The following SOAT1 variants were observed in gnomAD, a reference collection of about 807,000 sequenced individuals.
SOAT1 encodes the protein sterol O-acyltransferase 1.
In SOAT1, 55 loss-of-function variants were observed where a neutral mutation model predicts 69.5. The observed-to-expected ratio is 0.79, with a 90% CI of 0.64 to 0.99. The LOEUF (loss-of-function observed/expected upper bound fraction) is 0.99. SOAT1 is among the 50% of genes least tolerant of loss of function. The probability of loss-of-function intolerance (pLI) is 0.00; values close to 1 mark genes in which losing one functional copy is unlikely to be tolerated. For missense variants in SOAT1, 580 were observed against 669.3 expected (o/e 0.87, Z 1.47); for synonymous variants, 231 against 224.7 (o/e 1.03, Z -0.25).
intron 11 of SOAT1, 141 bp downstream of exon 11, chr1:179,345,217 T>C: frequency 1.3e-6 from 1 of 745,782 alleles, no homozygotes. Flanking sequence ...CTTTTGCATC[T>C]ACTTTATAAA....
chr1:179,301,321 T>C (rs1430411999), intron 1 of SOAT1, among the ~76,000 whole-genome samples: 1 of 152,248 alleles, frequency 6.6e-6, no homozygotes, highest in African/African-American at 2.4e-5. Context: ...GTCTCACCAC[T>C]GCCTTCCTGA....
chr1:179,343,131 CAG>C (rs1666397841), intron 9 of SOAT1, among the ~76,000 whole-genome samples, 188 bp downstream of exon 9: 1 of 152,066 alleles, frequency 6.6e-6, no homozygotes, highest in Non-Finnish European at 1.5e-5. Flanking sequence ...TAATTCTTGA[CAG>C]AATTATAAAG....
chr1:179,294,121 T>C (rs2124923441), intron 1 of SOAT1, among the ~76,000 whole-genome samples, 185 bp downstream of exon 1: 1 of 152,302 alleles, frequency 6.6e-6, no homozygotes, highest in East Asian at 1.9e-4. Flanking sequence ...AAAGTTACCG[T>C]CAGGCGCCCG....
chr1:179,309,268 G>A (rs1665136583), intron 2 of SOAT1, among the ~76,000 whole-genome samples: 1 of 152,120 alleles, frequency 6.6e-6, no homozygotes. Context: ...ATTTTTAGTA[G>A]AGATGGGGTT....
intron 13 of SOAT1, among the ~76,000 whole-genome samples, chr1:179,349,906 G>A (rs1666664038): frequency 6.6e-6 from 1 of 152,168 alleles, no homozygotes; most frequent in African/African-American, 2.4e-5. Context: ...GATAAGGCAA[G>A]TCCCTTTTCT....
chr1:179,335,263 A>G (rs1666109158), intron 3 of SOAT1, among the ~76,000 whole-genome samples: 1 of 152,010 alleles, frequency 6.6e-6, no homozygotes, highest in Non-Finnish European at 1.5e-5. Context: ...AGGCTGAGGT[A>G]TTTTGTTTTA....
rs182346999 is a variant in SOAT1 at position 179,328,376 on chromosome 1, T to C, written c.177+4881T>C. 9.2e-5 allele frequency among the ~76,000 whole-genome samples: 14 copies of C among 152,356 alleles called. No individual in the cohort carries two copies. The East Asian group carries it at 2.1e-3, about 23-fold the overall frequency. ...ACAGAATCTTAGGAGAAGATGAACA[T>C]TCAAGCTCTGTAAAGAGTAAGGATT... On this transcript the variant is annotated intron_variant, in intron 3 of 15. Coordinates refer to ENST00000367619, the MANE Select transcript of SOAT1 (RefSeq NM_003101.6).
chr1:179,306,546 C>A (rs1665010225), intron 2 of SOAT1, among the ~76,000 whole-genome samples: 1 of 151,970 alleles, frequency 6.6e-6, no homozygotes, highest in African/African-American at 2.4e-5. Context: ...AGTAGCACCA[C>A]CAAAAGCCAG....
chr1:179,350,525 A>G lies in SOAT1; in HGVS notation c.1450+94A>G, dbSNP rs935903844. 70 of 1,169,770 alleles carry G rather than the reference A, an allele frequency of 6.0e-5. No homozygotes were observed. The African/African-American group carries it at 1.1e-3, about 18-fold the overall frequency. 72.5% of individuals were successfully genotyped at this position (1,169,770 alleles called of 1,614,324 possible). On this transcript the variant is annotated intron_variant, in intron 14 of 15. Coordinates refer to ENST00000367619, the MANE Select transcript of SOAT1 (RefSeq NM_003101.6). ...TATAAAATCAATGTAGGAGAACTAG[A>G]TAGTAGTAGTAACATTTTAAGGTAG...
intron 7 of SOAT1, 34 bp from the exon 8 acceptor site, chr1:179,342,080 T>G: frequency 3.1e-6 from 5 of 1,612,886 alleles, no homozygotes; most frequent in Non-Finnish European, 4.2e-6. Flanking sequence ...GAGACTTTCT[T>G]TGAAGAGACA....
At chr1:179,296,427 A>G (rs1028441448) in intron 1 of SOAT1, among the ~76,000 whole-genome samples, 1 of 152,168 alleles carries the variant, frequency 6.6e-6, no homozygotes, top group African/African-American at 2.4e-5. Context: ...CCTTTTTCCT[A>G]TGGGAAAAAG....
chr1:179,319,763 C>T (rs977828858), intron 2 of SOAT1, among the ~76,000 whole-genome samples: 3 of 152,054 alleles, frequency 2.0e-5, no homozygotes, highest in Non-Finnish European at 2.9e-5. Context: ...ACTACAAGTG[C>T]GCATCCCACG....
intron 2 of SOAT1, among the ~76,000 whole-genome samples, chr1:179,321,911 C>T (rs1025020730): frequency 1.1e-4 from 16 of 150,114 alleles, no homozygotes; most frequent in Non-Finnish European, 2.1e-4. Context: ...GAGACAGGGT[C>T]TCACTGTGTT....
At position 179,350,308 on chromosome 1, in the gene SOAT1, A is replaced by G; in HGVS notation, c.1327A>G (p.Arg443Gly). ...CCTTTTTCTTTAGTTTTTCTCCAAGAGATTCAAATCTGCTGCCATGTTAGC... is the reference window on the plus strand; with the variant it reads ...CCTTTTTCTTTAGTTTTTCTCCAAGGGATTCAAATCTGCTGCCATGTTAGC... The part of the protein sequence containing the change: ...YKDFLWFFSK[R>G]FKSAAMLAVF... The change falls in exon 14 of 16, where the codon AGA becomes GGA. Residue 443 changes from arginine (R) to glycine (G), a missense_variant. Arg to Gly is a moderately radical substitution (Grantham distance 125). Transcript: ENST00000367619. 1 of 1,611,226 alleles carries G rather than the reference A, an allele frequency of 6.2e-7. No individual in the cohort carries two copies. The highest frequency in any genetic ancestry group is 8.5e-7 in the Non-Finnish European group (1 of 1,179,378).
chr1:179,306,444 T>C (rs12022539), intron 2 of SOAT1, among the ~76,000 whole-genome samples: 34,108 of 152,148 alleles, frequency 0.22, 4,680 homozygotes, highest in East Asian at 0.38. Flanking sequence ...TTCCTTCTTT[T>C]ACTGCTGCTA....
intron 3 of SOAT1, 108 bp from the exon 4 acceptor site, chr1:179,335,398 A>G (rs1161061454): frequency 7.3e-6 from 7 of 959,796 alleles, no homozygotes; most frequent in Non-Finnish European, 9.2e-6. Context: ...CGAACTCACT[A>G]TGTCTTTCTT....
chr1:179,325,210 C>T (rs566874358), intron 3 of SOAT1, among the ~76,000 whole-genome samples: 70 of 138,756 alleles, frequency 5.0e-4, no homozygotes, highest in African/African-American at 1.7e-3. Context: ...AGTGCAGTGG[C>T]GCGATCTCGG....
intron 3 of SOAT1, among the ~76,000 whole-genome samples, chr1:179,329,935 G>A (rs1446261734): frequency 6.6e-6 from 1 of 152,166 alleles, no homozygotes; most frequent in Non-Finnish European, 1.5e-5. Context: ...CAGGTCCATA[G>A]CTGATACTGG....
intron 14 of SOAT1, 150 bp downstream of exon 14, chr1:179,350,581 C>A: frequency 9.9e-6 from 7 of 709,490 alleles, no homozygotes; most frequent in Non-Finnish European, 1.4e-5. Flanking sequence ...AGAATATTGA[C>A]TTTGAATAAT....
Sources: gnomAD v4.1 joint callset for allele counts (sites outside exome capture counted in the v4.1 genomes callset) on GRCh38, gnomAD v4.1.1 for gene constraint, MANE v1.5 for transcripts, NCBI Gene and HGNC (gene_info 2026-07-23, HGNC 2026-07-21) for gene names.